ZNF407: variants seen among roughly 807,000 people sequenced by gnomAD.
The protein encoded by ZNF407 is zinc finger protein 407.
A neutral mutation model predicts 131.2 loss-of-function variants in ZNF407; 17 were observed. That is an observed-to-expected ratio of 0.13 (90% confidence interval 0.09 to 0.19). The LOEUF (loss-of-function observed/expected upper bound fraction) is 0.19, where lower values mean the gene tolerates loss of function less well. Ranked by LOEUF, ZNF407 falls within the 10% of genes least tolerant of loss-of-function variation. The pLI is 1.00. For missense variants in ZNF407, 2,681 were observed against 2,830.6 expected, an observed-to-expected ratio of 0.95 and a Z score of 1.20; for synonymous variants, 1,156 against 1,062.0, an observed-to-expected ratio of 1.09 and a Z score of -1.72.
intron 6 of ZNF407, among the ~76,000 whole-genome samples, chr18:74,881,560 T>C (rs1477356910): frequency 6.6e-6 from 1 of 151,990 alleles, no homozygotes; most frequent in African/African-American, 2.4e-5. Context: ...TACCCCTCCC[T>C]TCCTCTCTCT....
intron 3 of ZNF407, among the ~76,000 whole-genome samples, chr18:74,698,736 G>T (rs1367057647): frequency 6.6e-6 from 1 of 152,170 alleles, no homozygotes; most frequent in African/African-American, 2.4e-5. Flanking sequence ...GCATAGTATG[G>T]TGAGATTATT....
intron 4 of ZNF407, among the ~76,000 whole-genome samples, chr18:74,786,505 G>GA (rs1024312928): frequency 1.3e-5 from 2 of 150,890 alleles, no homozygotes; most frequent in African/African-American, 4.9e-5. Context: ...GCCAATTTAG[G>GA]AAAAATAAAG....
chr18:74,758,719 T>G (rs983037408), intron 3 of ZNF407, among the ~76,000 whole-genome samples: 2 of 152,122 alleles, frequency 1.3e-5, no homozygotes, highest in African/African-American at 4.8e-5. Context: ...GCCTTCCTGG[T>G]AGCTCAGATT....
chr18:74,824,486 AAG>A (rs1231083243), intron 4 of ZNF407, among the ~76,000 whole-genome samples: 1 of 152,170 alleles, frequency 6.6e-6, no homozygotes, highest in African/African-American at 2.4e-5. Context: ...TAAAGAAGAA[AAG>A]AGAGAAGAAT....
At chr18:74,811,123 C>T (rs1465893761) in intron 4 of ZNF407, among the ~76,000 whole-genome samples, 5 of 152,094 alleles carry the variant, frequency 3.3e-5, no homozygotes, top group African/African-American at 9.7e-5. Context: ...GCAACCTACT[C>T]ATCTGACAAA....
At position 74,675,783 on chromosome 18, in the gene ZNF407, G is replaced by T. The variant is rs968382481; in HGVS notation, c.4802+34661G>T. On this transcript the variant is annotated intron_variant, in intron 3 of 8. Coordinates refer to ENST00000299687, the MANE Select transcript of ZNF407 (RefSeq NM_017757.3). Reference sequence around the variant, plus strand: ...TAAGTGGTACTTTTACCCTCTTTCCGACAATTCGAGGATCTTGAACACTTG... The same window carrying T: ...TAAGTGGTACTTTTACCCTCTTTCCTACAATTCGAGGATCTTGAACACTTG... 1.4e-4 allele frequency among the ~76,000 whole-genome samples: 21 copies of T among 151,974 alleles called. 1 individual carries two copies. The highest frequency in any genetic ancestry group is 5.1e-4 in the African/African-American group (21 of 41,362).
chr18:75,058,021 C>T (rs1055864659), intron 8 of ZNF407, among the ~76,000 whole-genome samples: 1 of 152,132 alleles, frequency 6.6e-6, no homozygotes, highest in Non-Finnish European at 1.5e-5. Flanking sequence ...AAGGAAGGAG[C>T]AGCACACACA....
chr18:74,754,911 T>C (rs2144954514), intron 3 of ZNF407, among the ~76,000 whole-genome samples: 1 of 152,306 alleles, frequency 6.6e-6, no homozygotes, highest in South Asian at 2.1e-4. Context: ...CTTGTTAACT[T>C]TCTGTCTCAT....
chr18:74,632,876 T>C lies in ZNF407; in HGVS notation c.1857T>C (p.Pro619=). Residue 619 remains proline (P), a synonymous_variant, in exon 2 of 9, where the codon CCT becomes CCC. Transcript: ENST00000299687. ...ACAATATGCATTTTCTTTGCACCCC[T>C]TGTAATCTGTTCTTTTTGTCTGAAA... is the stretch of plus-strand genomic sequence containing the variant. ...EKHNMHFLCT[P]CNLFFLSEKD... 6.2e-7 allele frequency: 1 copy of C among 1,613,444 alleles called. No homozygotes were observed. Among genetic ancestry groups the C allele is most frequent in the Non-Finnish European group, 8.5e-7 (1 of 1,179,874 alleles).
At chr18:74,932,369 A>G (rs922215784) in intron 8 of ZNF407, among the ~76,000 whole-genome samples, 1 of 151,996 alleles carries the variant, frequency 6.6e-6, no homozygotes, top group Non-Finnish European at 1.5e-5. Flanking sequence ...CAGTTTGTTT[A>G]CTCTGCTACC....
intron 8 of ZNF407, among the ~76,000 whole-genome samples, chr18:75,001,104 T>C: frequency 6.6e-6 from 1 of 152,178 alleles, no homozygotes. Context: ...AGCTGAGCTT[T>C]CAGGGCCGGA....
At chr18:74,656,265 T>C (rs1985451770) in intron 3 of ZNF407, among the ~76,000 whole-genome samples, 1 of 152,162 alleles carries the variant, frequency 6.6e-6, no homozygotes, top group Non-Finnish European at 1.5e-5. Context: ...AATAACTGAT[T>C]TATTTTTCTA....
intron 8 of ZNF407, among the ~76,000 whole-genome samples, chr18:74,951,499 T>C (rs1972213969): frequency 6.6e-6 from 1 of 152,222 alleles, no homozygotes; most frequent in Admixed American, 6.5e-5. Flanking sequence ...CTTCTGCCTC[T>C]CACTGCCTCG....
chr18:74,615,761 T>A (rs1265339228), intron 1 of ZNF407, among the ~76,000 whole-genome samples: 1 of 152,238 alleles, frequency 6.6e-6, no homozygotes, highest in Non-Finnish European at 1.5e-5. Context: ...ATTTGCTTAG[T>A]CCCATAGTCT....
chr18:75,015,614 C>T (rs1483024029), intron 8 of ZNF407, among the ~76,000 whole-genome samples: 2 of 149,654 alleles, frequency 1.3e-5, no homozygotes, highest in African/African-American at 4.9e-5. Context: ...GAACTTCAGA[C>T]TTCCTAGCTA....
intron 7 of ZNF407, among the ~76,000 whole-genome samples, chr18:74,896,955 A>G (rs1971461673): frequency 6.6e-6 from 1 of 152,110 alleles, no homozygotes; most frequent in Non-Finnish European, 1.5e-5. Context: ...AGTGAATTTT[A>G]TCTCATCAGT....
At chr18:74,867,505 T>A (rs940946111) in intron 4 of ZNF407, among the ~76,000 whole-genome samples, 1 of 152,200 alleles carries the variant, frequency 6.6e-6, no homozygotes, top group Admixed American at 6.5e-5. Flanking sequence ...AATTCCATGG[T>A]CCTTCTGAGG....
At chr18:74,675,318 C>T (rs2144761575) in intron 3 of ZNF407, among the ~76,000 whole-genome samples, 1 of 152,254 alleles carries the variant, frequency 6.6e-6, no homozygotes, top group Middle Eastern at 3.4e-3. Context: ...TATTTATTTC[C>T]TTCTTTATTG....
chr18:74,881,026 G>T lies in ZNF407; in HGVS notation c.5045-10G>T. 1.3e-6 allele frequency: 2 copies of T among 1,587,198 alleles called. No homozygotes were observed. The highest frequency in any genetic ancestry group is 8.6e-7 in the Non-Finnish European group (1 of 1,165,818). On this transcript the variant is annotated splice_polypyrimidine_tract_variant and intron_variant, in intron 5 of 8. Transcript: ENST00000299687. ...CTCCGCAGTCCCTCATCTGTTTGTTGTTGCAACAGGCGAGAAGTCGTTTCT... is the reference window on the plus strand; with the variant it reads ...CTCCGCAGTCCCTCATCTGTTTGTTTTTGCAACAGGCGAGAAGTCGTTTCT...
Sources: allele counts gnomAD v4.1 joint callset (sites outside exome capture counted in the v4.1 genomes callset), GRCh38; gene constraint gnomAD v4.1.1; transcripts MANE v1.5; gene names NCBI Gene and HGNC (gene_info 2026-07-23, HGNC 2026-07-21).